Variants in MEF2A observed in about 807,000 individuals in gnomAD.
The protein encoded by MEF2A is myocyte-specific enhancer factor 2A.
In MEF2A, 28 loss-of-function variants were observed where a neutral mutation model predicts 55.8. The observed-to-expected ratio is 0.50, with a 90% CI of 0.37 to 0.69. The LOEUF is 0.69. Among genes scored for constraint, MEF2A ranks in the 30% least tolerant of loss-of-function variants. The probability of loss-of-function intolerance (pLI) is 0.00; values close to 1 mark genes in which losing one functional copy is unlikely to be tolerated. For synonymous variants in MEF2A, 239 were observed against 227.1 expected (o/e 1.05, Z -0.47); for missense variants, 528 against 626.2 (o/e 0.84, Z 1.67).
At position 99,618,578 on chromosome 15, in the gene MEF2A, G is replaced by A. The variant is rs577837051; in HGVS notation, c.-142-14400G>A. On this transcript the variant is annotated intron_variant, in intron 2 of 11. Transcript: ENST00000557942. Reference sequence around the variant, plus strand: ...GAGAATATTCTTCTTAGGAAATTTCGACTTTAAATATTGAGGTGTAAAGGG... The same window carrying A: ...GAGAATATTCTTCTTAGGAAATTTCAACTTTAAATATTGAGGTGTAAAGGG... 7.2e-5 allele frequency among the ~76,000 whole-genome samples: 11 copies of A among 152,168 alleles called. No homozygotes were observed. In the South Asian group the frequency reaches 1.2e-3, roughly 17 times the overall value.
intron 1 of MEF2A, among the ~76,000 whole-genome samples, chr15:99,584,427 C>T (rs1037077356): frequency 5.6e-4 from 86 of 152,238 alleles, no homozygotes; most frequent in African/African-American, 1.8e-3. Context: ...GTTGAAATCA[C>T]CCAAATGACC....
chr15:99,628,638 T>C (rs2042415389), intron 2 of MEF2A, among the ~76,000 whole-genome samples: 2 of 152,252 alleles, frequency 1.3e-5, no homozygotes, highest in South Asian at 2.1e-4. Context: ...TGAGCATTTT[T>C]TCTACTTCCT....
intron 8 of MEF2A, among the ~76,000 whole-genome samples, chr15:99,690,977 TAGAA>T (rs2055316327): frequency 2.0e-5 from 3 of 152,060 alleles, no homozygotes; most frequent in Admixed American, 6.6e-5. Context: ...TCCCAACAAA[TAGAA>T]AGGATAAATA....
At position 99,715,456 on chromosome 15, in the gene MEF2A, A is replaced by G. The variant is rs1332860972; in HGVS notation, c.*2685A>G. Reference sequence around the variant, plus strand: ...AATTACACTGACCAAGTAACAATGTATTCCATTTCAGGAACTGAATATTTG... The same window carrying G: ...AATTACACTGACCAAGTAACAATGTGTTCCATTTCAGGAACTGAATATTTG... On this transcript the variant is annotated 3_prime_UTR_variant, in exon 12 of 12. Transcript: ENST00000557942. 6.6e-6 allele frequency: 1 copy of G among 152,214 alleles called. No individual in the cohort carries two copies. Among genetic ancestry groups the G allele is most frequent in the African/African-American group, 2.4e-5 (1 of 41,442 alleles). The allele number at this position is 152,214 out of a possible 1,614,324, so 9.4% of individuals were successfully genotyped here. A position where few individuals can be genotyped will look rare whatever the true frequency, so the allele number is the denominator to read the frequency against.
intron 1 of MEF2A, among the ~76,000 whole-genome samples, chr15:99,590,339 T>C (rs1288776767): frequency 7.0e-6 from 1 of 142,148 alleles, no homozygotes; most frequent in Non-Finnish European, 1.6e-5. Flanking sequence ...ATTTTATGTT[T>C]CCTATCTGTG....
rs542472815 is a variant in MEF2A at position 99,653,006 on chromosome 15, C to T, written c.258+7242C>T. On this transcript the variant is annotated intron_variant, in intron 4 of 11. Transcript: ENST00000557942. ...GCTTTTGTTAGATACACTTCAATAT[C>T]GACTTAAGACCCTTAGAATGCCAAG... is the stretch of plus-strand genomic sequence containing the variant. Among the ~76,000 whole-genome samples the T allele has an allele frequency of 7.2e-4, 109 of 152,198 alleles. No individual in the cohort carries two copies. The South Asian group carries it at 8.3e-3, about 12-fold the overall frequency.
chr15:99,677,425 C>G (rs536827740), intron 7 of MEF2A, among the ~76,000 whole-genome samples: 1 of 151,862 alleles, frequency 6.6e-6, no homozygotes, highest in African/African-American at 2.4e-5. Flanking sequence ...CAAAAAAACC[C>G]CGTAATGTTA....
At chr15:99,682,625 C>T (rs1308289302) in intron 7 of MEF2A, among the ~76,000 whole-genome samples, 1 of 152,180 alleles carries the variant, frequency 6.6e-6, no homozygotes, top group Non-Finnish European at 1.5e-5. Context: ...TGGCAAGTTA[C>T]CAAACACTTA....
At chr15:99,577,809 T>A (rs1037291615) in intron 1 of MEF2A, among the ~76,000 whole-genome samples, 1 of 152,204 alleles carries the variant, frequency 6.6e-6, no homozygotes, top group Non-Finnish European at 1.5e-5. Context: ...GATGCTTTTT[T>A]GAAGAGTACT....
At chr15:99,681,018 T>C (rs1023242979) in intron 7 of MEF2A, among the ~76,000 whole-genome samples, 3 of 152,202 alleles carry the variant, frequency 2.0e-5, no homozygotes, top group Admixed American at 2.0e-4. Flanking sequence ...CTAGGTATAT[T>C]TCTCTATGGG....
chr15:99,639,648 G>A (rs1214904529), intron 3 of MEF2A, among the ~76,000 whole-genome samples: 1 of 152,094 alleles, frequency 6.6e-6, no homozygotes, highest in East Asian at 1.9e-4. Flanking sequence ...TTTTCAAGTT[G>A]CTTTCCAAAG....
intron 2 of MEF2A, among the ~76,000 whole-genome samples, chr15:99,625,541 G>A (rs912961670): frequency 2.6e-5 from 4 of 152,142 alleles, no homozygotes; most frequent in South Asian, 2.1e-4. Flanking sequence ...GTGGTCATCC[G>A]TATCTCATCC....
At chr15:99,637,906 G>C (rs2044177991) in intron 3 of MEF2A, among the ~76,000 whole-genome samples, 1 of 152,142 alleles carries the variant, frequency 6.6e-6, no homozygotes, top group South Asian at 2.1e-4. Flanking sequence ...GCCTCCCAAA[G>C]TGTTGGAATC....
intron 7 of MEF2A, among the ~76,000 whole-genome samples, chr15:99,689,482 T>G (rs913577703): frequency 1.3e-5 from 2 of 152,210 alleles, no homozygotes; most frequent in Admixed American, 6.5e-5. Flanking sequence ...TGTGGTCTTT[T>G]GCTTGTTTGT....
chr15:99,633,922 G>T (rs894506356), intron 3 of MEF2A, among the ~76,000 whole-genome samples: 1 of 152,190 alleles, frequency 6.6e-6, no homozygotes, highest in African/African-American at 2.4e-5. Flanking sequence ...ACAGAATTGA[G>T]TAGTTGCCCC....
chr15:99,577,292 T>G (rs1964602817), intron 1 of MEF2A, among the ~76,000 whole-genome samples: 1 of 152,272 alleles, frequency 6.6e-6, no homozygotes, highest in South Asian at 2.1e-4. Context: ...TTATATATTT[T>G]GTTTTTAATA....
intron 2 of MEF2A, among the ~76,000 whole-genome samples, chr15:99,599,533 A>T (rs1972297990): frequency 6.6e-6 from 1 of 152,158 alleles, no homozygotes; most frequent in Admixed American, 6.5e-5. Context: ...TGATATTCTG[A>T]CATCAGTTTC....
At chr15:99,706,896 C>T (rs565170841) in intron 10 of MEF2A, 41 bp downstream of exon 10, 2 of 1,590,168 alleles carry the variant, frequency 1.3e-6, no homozygotes, top group Admixed American at 1.7e-5. Context: ...TTACCGCTCT[C>T]TGTTTTGTGA....
chr15:99,712,247 A>G lies in MEF2A; in HGVS notation c.1137-143A>G. Reference sequence around the variant, plus strand: ...TTCCTTTTGTGCCAAGCACTGAAGGAAACGACCCAAACCAGTCTTGGGGAA... The same window carrying G: ...TTCCTTTTGTGCCAAGCACTGAAGGGAACGACCCAAACCAGTCTTGGGGAA... On this transcript the variant is annotated intron_variant, in intron 11 of 11. Transcript: ENST00000557942. The surrounding 1 kb of genome is among the most constrained non-coding windows in gnomAD (Gnocchi z 4.1). The G allele has an allele frequency of 7.2e-7, 1 of 1,387,708 alleles. No individual in the cohort carries two copies. The highest frequency in any genetic ancestry group is 1.6e-5 in the South Asian group (1 of 61,356). 86.0% of individuals were successfully genotyped at this position (1,387,708 alleles called of 1,614,324 possible).
Sources: allele counts gnomAD v4.1 joint callset (sites outside exome capture counted in the v4.1 genomes callset), GRCh38; gene constraint gnomAD v4.1.1; non-coding constraint Gnocchi (gnomAD v3.1); transcripts MANE v1.5; gene names NCBI Gene and HGNC (gene_info 2026-07-23, HGNC 2026-07-21).